RAB7A: variants seen among roughly 807,000 people sequenced by gnomAD.
RAB7A encodes RAB7A, member RAS oncogene family.
RAB7A carries 2 observed loss-of-function variants against 24.5 expected under a neutral mutation model. That is an observed-to-expected ratio of 0.08 (90% CI 0.03 to 0.26). RAB7A has a LOEUF of 0.26. RAB7A is among the 10% of genes least tolerant of loss of function. The probability of loss-of-function intolerance (pLI) is 1.00; values close to 1 mark genes in which losing one functional copy is unlikely to be tolerated. For missense variants in RAB7A, 118 were observed against 255.7 expected (o/e 0.46, Z 3.67); for synonymous variants, 100 against 95.9 (o/e 1.04, Z -0.25).
intron 1 of RAB7A, among the ~76,000 whole-genome samples, chr3:128,763,870 C>G (rs1046826346): frequency 3.5e-5 from 4 of 112,930 alleles, no homozygotes; most frequent in East Asian, 6.8e-4. Context: ...TCCCGCCCCC[C>G]CCCCCGCCCC....
chr3:128,770,695 G>T (rs931304357), intron 1 of RAB7A, among the ~76,000 whole-genome samples: 3 of 152,094 alleles, frequency 2.0e-5, no homozygotes, highest in Non-Finnish European at 4.4e-5. Context: ...CCCATCTCCT[G>T]CATTGTCTCT....
intron 1 of RAB7A, among the ~76,000 whole-genome samples, chr3:128,767,123 CAG>C (rs2070839579): frequency 6.6e-6 from 1 of 152,196 alleles, no homozygotes; most frequent in South Asian, 2.1e-4. Context: ...CGTTGGCATT[CAG>C]ATTTGACTTA....
chr3:128,797,351 CATT>C (rs1313105307), intron 2 of RAB7A, among the ~76,000 whole-genome samples: 2 of 152,210 alleles, frequency 1.3e-5, no homozygotes, highest in African/African-American at 4.8e-5. Context: ...AAAAATCACA[CATT>C]GTCTCTTGCT....
In RAB7A at chr3:128,738,711, A is replaced by C. The variant is rs968464209; in HGVS notation, c.-9+12352A>C. On this transcript the variant is annotated intron_variant, in intron 1 of 5. Transcript: ENST00000265062. Reference sequence around the variant, plus strand: ...GGAGGGGGCCTTAAGGGTAAGTCCCAGACTGATTTACCTGTTTTTCCCCAA... The same window carrying C: ...GGAGGGGGCCTTAAGGGTAAGTCCCCGACTGATTTACCTGTTTTTCCCCAA... 3.3e-5 allele frequency among the ~76,000 whole-genome samples: 5 copies of C among 152,252 alleles called. No homozygotes were observed. In the South Asian group the frequency reaches 1.0e-3, roughly 31 times the overall value.
chr3:128,729,442 C>T (rs540854635), intron 1 of RAB7A, among the ~76,000 whole-genome samples: 14 of 151,962 alleles, frequency 9.2e-5, no homozygotes, highest in African/African-American at 1.2e-4. Flanking sequence ...TGGTGGCGGG[C>T]GCCTGTAGTC....
In RAB7A at chr3:128,767,231, A is replaced by G. The variant is rs369021597; in HGVS notation, c.-8-28129A>G. 1.5e-4 allele frequency among the ~76,000 whole-genome samples: 23 copies of G among 152,310 alleles called. No individual in the cohort carries two copies. In the East Asian group the frequency reaches 4.3e-3, roughly 28 times the overall value. On this transcript the variant is annotated intron_variant, in intron 1 of 5. Transcript: ENST00000265062. ...AGTTGCTGGGTTTGAGTCACAGAAT[A>G]CAAGAGGGATGCCCCTTCCAGGATC...
At chr3:128,739,123 C>G (rs1057053442) in intron 1 of RAB7A, among the ~76,000 whole-genome samples, 4 of 152,310 alleles carry the variant, frequency 2.6e-5, no homozygotes, top group African/African-American at 9.6e-5. Flanking sequence ...TGGAGCTTTG[C>G]CCATTCGTTT....
intron 5 of RAB7A, among the ~76,000 whole-genome samples, chr3:128,809,936 C>CTTTGTTTTTTTTTT (rs1933887164): frequency 1.9e-5 from 1 of 52,216 alleles, no homozygotes; most frequent in Non-Finnish European, 3.4e-5. Flanking sequence ...TTGCCACAGT[C>CTTTGTTTTTTTTTT]TTTTTTTTTT....
At chr3:128,764,749 A>G in intron 1 of RAB7A, 1 of 809,474 alleles carries the variant, frequency 1.2e-6, no homozygotes, top group East Asian at 2.4e-5. Context: ...GTCATCACAG[A>G]CTGGTTTCTT....
intron 2 of RAB7A, among the ~76,000 whole-genome samples, chr3:128,797,082 C>T (rs1933593205): frequency 6.6e-6 from 1 of 152,190 alleles, no homozygotes; most frequent in Admixed American, 6.5e-5. Flanking sequence ...AAAGATAGTG[C>T]TTTTAGGCCT....
At chr3:128,749,946 A>G (rs1204303665) in intron 1 of RAB7A, among the ~76,000 whole-genome samples, 1 of 152,234 alleles carries the variant, frequency 6.6e-6, no homozygotes. Context: ...AATAATGTGG[A>G]AGCCACTTTG....
At chr3:128,754,531 T>C (rs2070713576) in intron 1 of RAB7A, among the ~76,000 whole-genome samples, 1 of 152,146 alleles carries the variant, frequency 6.6e-6, no homozygotes, top group Non-Finnish European at 1.5e-5. Flanking sequence ...GAGGCATATA[T>C]ACAAAACAAA....
intron 1 of RAB7A, among the ~76,000 whole-genome samples, chr3:128,773,084 C>A (rs1468161145): frequency 6.6e-6 from 1 of 152,054 alleles, no homozygotes; most frequent in Non-Finnish European, 1.5e-5. Flanking sequence ...CTCTGCCCGG[C>A]TGCCCAGTCT....
At chr3:128,772,452 TAAA>T (rs1932972400) in intron 1 of RAB7A, among the ~76,000 whole-genome samples, 1 of 152,238 alleles carries the variant, frequency 6.6e-6, no homozygotes, top group African/African-American at 2.4e-5. Context: ...AATTCTTGCT[TAAA>T]AATGTTTTTG....
Position 128,727,357 on chromosome 3 carries a change from T to A in RAB7A, c.-9+998T>A, listed in dbSNP as rs966012021. Reference sequence around the variant, plus strand: ...TCAGACTCCAGAGCACTGTATTAAATTTCTAGGTTGTACTGCTTTCACGTA... The same window carrying A: ...TCAGACTCCAGAGCACTGTATTAAAATTCTAGGTTGTACTGCTTTCACGTA... On this transcript the variant is annotated intron_variant, in intron 1 of 5. Coordinates refer to ENST00000265062, the MANE Select transcript of RAB7A (RefSeq NM_004637.6). Among the ~76,000 whole-genome samples, 74 of 152,188 alleles carry A rather than the reference T, an allele frequency of 4.9e-4. 1 individual carries two copies. Among genetic ancestry groups the A allele is most frequent in the African/African-American group, 1.8e-3 (73 of 41,434 alleles).
intron 3 of RAB7A, among the ~76,000 whole-genome samples, chr3:128,801,204 G>T (rs1032261516): frequency 7.9e-5 from 12 of 152,160 alleles, no homozygotes; most frequent in African/African-American, 1.2e-4. Flanking sequence ...ATACTGTATT[G>T]TACACTTAAA....
chr3:128,768,548 G>A (rs559995383), intron 1 of RAB7A, among the ~76,000 whole-genome samples: 6 of 152,062 alleles, frequency 3.9e-5, no homozygotes, highest in South Asian at 4.1e-4. Context: ...TAAAGTGTGC[G>A]TGTTTTGTTT....
At chr3:128,759,055 A>G (rs1040369433) in intron 1 of RAB7A, among the ~76,000 whole-genome samples, 5 of 152,184 alleles carry the variant, frequency 3.3e-5, no homozygotes, top group African/African-American at 1.2e-4. Context: ...AAATGAGTTA[A>G]ATTAAGATCA....
At chr3:128,742,314 A>G (rs1374022313) in intron 1 of RAB7A, among the ~76,000 whole-genome samples, 1 of 152,136 alleles carries the variant, frequency 6.6e-6, no homozygotes, top group Non-Finnish European at 1.5e-5. Flanking sequence ...GTGCAGACCC[A>G]AAGAGTGAGC....
Sources: gnomAD v4.1 joint callset for allele counts (sites outside exome capture counted in the v4.1 genomes callset) on GRCh38, gnomAD v4.1.1 for gene constraint, MANE v1.5 for transcripts, NCBI Gene and HGNC (gene_info 2026-07-23, HGNC 2026-07-21) for gene names.